PRH1: variants seen among roughly 807,000 people sequenced by gnomAD.
PRH1 encodes the protein proline rich protein HaeIII subfamily 1.
A neutral mutation model predicts 7.9 loss-of-function variants in PRH1; 7 were observed. That is an observed-to-expected ratio of 0.89 (90% CI 0.50 to 1.67). PRH1 has a LOEUF of 1.67. PRH1 is among the 40% of genes most tolerant of loss of function. PRH1 has a pLI of 0.00. For missense variants in PRH1, 109 were observed against 223.6 expected, an observed-to-expected ratio of 0.49 and a Z score of 3.27; for synonymous variants, 45 against 80.8, an observed-to-expected ratio of 0.56 and a Z score of 2.38.
intron 1 of PRH1, among the ~76,000 whole-genome samples, chr12:11,086,353 G>C (rs1211514871): frequency 1.6e-5 from 2 of 121,558 alleles, no homozygotes; most frequent in Admixed American, 1.6e-4. Flanking sequence ...TTCCATTGAA[G>C]AGTCTACACT....
chr12:10,907,001 C>A (rs568723904), intron 2 of PRH1, among the ~76,000 whole-genome samples: 3 of 152,234 alleles, frequency 2.0e-5, no homozygotes, highest in Non-Finnish European at 4.4e-5. Context: ...ATCAGCCTCA[C>A]TAGCCATTAG....
chr12:11,020,372 A>ATATATATATATATATATC (rs1565557308), intron 1 of PRH1, among the ~76,000 whole-genome samples: 1 of 105,458 alleles, frequency 9.5e-6, no homozygotes, highest in East Asian at 3.6e-4. Flanking sequence ...CGATATATAT[A>ATATATATATATATATATC]TATATATATA....
Position 11,090,360 on chromosome 12 carries a change from G to T in PRH1, n.124-43172C>A, listed in dbSNP as rs1438021725. On this transcript the variant is annotated intron_variant and non_coding_transcript_variant, in intron 1 of 4. Coordinates refer to the PRH1 transcript ENST00000541977. ...GAGTTCTCTTATCTGAAGTTTAGAA[G>T]GAATTTTACAAACGGAAGGTAAGGA... Among the ~76,000 whole-genome samples, 9 of 116,590 alleles carry T rather than the reference G, an allele frequency of 7.7e-5. 4 individuals are homozygous for T. The highest frequency in any genetic ancestry group is 1.4e-4 in the Non-Finnish European group (7 of 49,228). The allele number at this position is 116,590 out of a possible 152,430, so 76.5% of individuals were successfully genotyped here. A position where few individuals can be genotyped will look rare whatever the true frequency, so the allele number is the denominator to read the frequency against.
intron 1 of PRH1, chr12:10,973,831 G>A (rs969288688): frequency 3.5e-6 from 2 of 571,510 alleles, no homozygotes; most frequent in African/African-American, 3.8e-5. Context: ...AGTCTTTATA[G>A]GTGAAGAGTC....
At chr12:11,056,533 T>C (rs1283257452) in intron 1 of PRH1, among the ~76,000 whole-genome samples, 1 of 152,096 alleles carries the variant, frequency 6.6e-6, no homozygotes, top group Non-Finnish European at 1.5e-5. Context: ...TTATCACCTA[T>C]AAAAAGCAGA....
intron 2 of PRH1, among the ~76,000 whole-genome samples, chr12:10,952,761 G>A (rs981981511): frequency 9.2e-5 from 14 of 152,212 alleles, no homozygotes; most frequent in African/African-American, 1.9e-4. Flanking sequence ...GCCAATGCCC[G>A]CATGGAAGCT....
intron 1 of PRH1, among the ~76,000 whole-genome samples, chr12:11,027,275 CAATAAT>C (rs1164153466): frequency 6.8e-6 from 1 of 146,200 alleles, no homozygotes; most frequent in African/African-American, 2.5e-5. Flanking sequence ...AAAATAATAG[CAATAAT>C]AATAATAATA....
intron 1 of PRH1, among the ~76,000 whole-genome samples, chr12:10,993,773 T>C: frequency 6.7e-6 from 1 of 150,330 alleles, no homozygotes; most frequent in Non-Finnish European, 1.5e-5. Context: ...CAAGCTGCTG[T>C]GCTCATTGTG....
intron 1 of PRH1, among the ~76,000 whole-genome samples, chr12:11,138,520 A>T (rs1399945194): frequency 1.3e-5 from 2 of 152,306 alleles, no homozygotes; most frequent in Middle Eastern, 3.4e-3. Flanking sequence ...ATTTAGAGAC[A>T]CATTTTGGCA....
At chr12:11,098,116 T>C (rs141824615) in intron 1 of PRH1, among the ~76,000 whole-genome samples, 4,069 of 88,992 alleles carry the variant, frequency 0.046, 1,309 homozygotes, top group East Asian at 0.09. Context: ...CTTTAGTTTA[T>C]CTTTTAATAG....
chr12:11,134,068 G>T, intron 1 of PRH1: 1 of 1,614,100 alleles, frequency 6.2e-7, no homozygotes, highest in Non-Finnish European at 8.5e-7. Flanking sequence ...ATAACACCCA[G>T]AGCAAACCAA....
chr12:11,030,690 A>T (rs1942153618), intron 1 of PRH1: 2 of 1,614,100 alleles, frequency 1.2e-6, no homozygotes, highest in African/African-American at 1.3e-5. Context: ...GGATCTTGAG[A>T]TCCTTTACCA....
Position 10,882,487 on chromosome 12 carries a change from ACCTTGTTGCTGC to A in PRH1, c.300_311del (p.Gln100_Gly104delinsHis). The A allele has an allele frequency of 1.0e-5, 16 of 1,525,346 alleles. 2 individuals are homozygous for A. The highest frequency in any genetic ancestry group is 1.2e-5 in the Non-Finnish European group (14 of 1,133,486). The allele number at this position is 1,525,346 out of a possible 1,614,324, so 94.5% of individuals were successfully genotyped here. A position where few individuals can be genotyped will look rare whatever the true frequency, so the allele number is the denominator to read the frequency against. On this transcript the variant is annotated inframe_deletion, in exon 3 of 4. Transcript: ENST00000543626. ...GTGGCTTTCCCTGAGGAGGTGGTGG[ACCTTGTTGCTGC>A]TGGCCTCCTTGTTGGGGTGGTCCTT...
intron 1 of PRH1, chr12:11,133,384 C>A (rs1476284430): frequency 6.2e-7 from 1 of 1,613,910 alleles, no homozygotes; most frequent in East Asian, 2.2e-5. Context: ...GAAAAATCTG[C>A]TTTAGCTTCT....
chr12:11,043,714 G>A (rs1202168621), intron 1 of PRH1, among the ~76,000 whole-genome samples: 2 of 151,986 alleles, frequency 1.3e-5, no homozygotes, highest in Admixed American at 6.6e-5. Context: ...AAATTAAATA[G>A]CTGAAGATTA....
At chr12:11,069,643 T>G (rs1205987692) in intron 1 of PRH1, among the ~76,000 whole-genome samples, 1 of 152,198 alleles carries the variant, frequency 6.6e-6, no homozygotes, top group Non-Finnish European at 1.5e-5. Flanking sequence ...TCAGAATCAA[T>G]GAAACGATGA....
intron 1 of PRH1, chr12:11,021,593 C>G: frequency 8.8e-7 from 1 of 1,133,058 alleles, no homozygotes; most frequent in South Asian, 1.5e-5. Flanking sequence ...GTTCCAGACA[C>G]CATCAGTTTG....
chr12:10,934,620 T>TA (rs61543378), intron 2 of PRH1, among the ~76,000 whole-genome samples: 16 of 149,834 alleles, frequency 1.1e-4, no homozygotes, highest in Admixed American at 1.3e-4. Context: ...TTTCTTCCTT[T>TA]AAAAAAAAAA....
rs1947695272 is a variant in PRH1, at chr12:11,168,378, AAGAAAGAAAG to A, written n.39+3034_39+3043del. On this transcript the variant is annotated intron_variant and non_coding_transcript_variant, in intron 1 of 1. Coordinates refer to the PRH1 transcript ENST00000541175. ...GGAAAGAAAAGAAAGAAAAGAAAGA[AAGAAAGAAAG>A]AAAGAAAGAAAGAAAGAAAGAAAGA... 3.1e-4 allele frequency among the ~76,000 whole-genome samples: 2 copies of A among 6,386 alleles called. 1 individual carries two copies. Among genetic ancestry groups the A allele is most frequent in the Non-Finnish European group, 1.4e-3 (2 of 1,454 alleles). 4.2% of individuals were successfully genotyped at this position (6,386 alleles called of 152,430 possible).
Sources: allele counts gnomAD v4.1 joint callset (sites outside exome capture counted in the v4.1 genomes callset), GRCh38; gene constraint gnomAD v4.1.1; transcripts MANE v1.5; gene names NCBI Gene and HGNC (gene_info 2026-07-23, HGNC 2026-07-21).